The following ARHGEF33 variants were observed in gnomAD, a reference collection of about 807,000 sequenced individuals.
ARHGEF33 encodes the protein Rho guanine nucleotide exchange factor 33, also known as DH and coiled-coil domain-containing protein ENSP00000381780.
Under a neutral mutation model 101.9 loss-of-function variants are expected in ARHGEF33, and 72 were observed. That is an observed-to-expected ratio of 0.71 (90% confidence interval 0.58 to 0.86). ARHGEF33 has a LOEUF of 0.86. Among genes scored for constraint, ARHGEF33 ranks in the 40% least tolerant of loss-of-function variants. ARHGEF33 has a pLI of 0.00. For missense variants in ARHGEF33, 1,169 were observed against 1,111.3 expected (o/e 1.05, Z -0.74); for synonymous variants, 499 against 442.5 (o/e 1.13, Z -1.60).
In ARHGEF33 at chr2:38,913,649, G is replaced by A. The variant is rs563841893; in HGVS notation, c.-85-5714G>A. ...AAATTAGCTGGGCGTGGTGGCGCAC[G>A]CCTGTAATCCCAGCTATTCAGGAGG... On this transcript the variant is annotated intron_variant, in intron 2 of 17. Transcript: ENST00000409978. 4.6e-5 allele frequency among the ~76,000 whole-genome samples: 7 copies of A among 151,876 alleles called. No individual in the cohort carries two copies. In the East Asian group the frequency reaches 9.7e-4, roughly 21 times the overall value.
intron 1 of ARHGEF33, among the ~76,000 whole-genome samples, chr2:38,891,258 C>T (rs945387463): frequency 5.9e-5 from 9 of 151,946 alleles, no homozygotes; most frequent in African/African-American, 1.9e-4. Context: ...TTCTTAATTC[C>T]CTTTATTTAC....
rs138753209 is a variant in ARHGEF33, at chr2:38,959,019, T to G, written c.1535+821T>G. ...CTCGGCCTCCCGAAGTCTTTATGCA[T>G]TTTTGTGGTAGAATTAAAATATGAA... On this transcript the variant is annotated intron_variant, in intron 15 of 17. Transcript: ENST00000409978. Among the ~76,000 whole-genome samples, 10 of 152,360 alleles carry G rather than the reference T, an allele frequency of 6.6e-5. No homozygotes were observed. The East Asian group carries it at 1.9e-3, about 29-fold the overall frequency.
intron 10 of ARHGEF33, among the ~76,000 whole-genome samples, chr2:38,947,055 T>C (rs1667469465): frequency 6.6e-6 from 1 of 152,182 alleles, no homozygotes; most frequent in Non-Finnish European, 1.5e-5. Flanking sequence ...TCGGCATTTT[T>C]CTCCATGCAA....
intron 10 of ARHGEF33, among the ~76,000 whole-genome samples, chr2:38,944,607 G>A (rs1291771900): frequency 6.6e-6 from 1 of 152,128 alleles, no homozygotes; most frequent in African/African-American, 2.4e-5. Flanking sequence ...GTAAGAAAAT[G>A]AGTATAGTCT....
At chr2:38,955,663 C>CTTAT (rs1216650116) in intron 13 of ARHGEF33, among the ~76,000 whole-genome samples, 73 of 150,762 alleles carry the variant, frequency 4.8e-4, no homozygotes, top group African/African-American at 1.4e-3. Flanking sequence ...CCATGCCTGG[C>CTTAT]TTATTTATTT....
Position 38,937,088 on chromosome 2 carries a change from G to A in ARHGEF33, c.566-247G>A, listed in dbSNP as rs111347541. 4.6e-5 allele frequency: 14 copies of A among 303,278 alleles called. 1 individual carries two copies. Among genetic ancestry groups the A allele is most frequent in the African/African-American group, 2.8e-4 (12 of 43,114 alleles). The allele number at this position is 303,278 out of a possible 1,614,324, so 18.8% of individuals were successfully genotyped here. A position where few individuals can be genotyped will look rare whatever the true frequency, so the allele number is the denominator to read the frequency against. On this transcript the variant is annotated intron_variant, in intron 8 of 17. Transcript: ENST00000409978. ...CGGCTCACTGCAACCTCTGCCTCCT[G>A]GGTTCAAGCGATTCTCCTGCCTCAG...
At position 38,944,020 on chromosome 2, in the gene ARHGEF33, A is replaced by G; in HGVS notation, c.910A>G (p.Lys304Glu). The G allele has an allele frequency of 1.3e-6, 2 of 1,550,264 alleles. No homozygotes were observed. The highest frequency in any genetic ancestry group is 1.7e-6 in the Non-Finnish European group (2 of 1,146,382). ...GGGGTCAGATGGAAAGAGGAATTCC[A>G]AAGAGAGAAGGTATCCATGCACTCA... ...FQGSDGKRNS[K>E]ERSLFPGSLR... is the part of the protein sequence containing the mutation. The change falls in exon 10 of 18, where the codon AAA (lysine) becomes GAA (glutamate). Residue 304 changes from lysine (K) to glutamate (E), a missense_variant. Lys to Glu is a moderately conservative substitution (Grantham distance 56). Transcript: ENST00000409978.
intron 2 of ARHGEF33, among the ~76,000 whole-genome samples, chr2:38,918,128 G>A (rs962796010): frequency 6.6e-6 from 1 of 152,218 alleles, no homozygotes; most frequent in East Asian, 1.9e-4. Context: ...GGAGAATCGA[G>A]TTTGGGATTC....
chr2:38,912,101 A>G (rs77934249), intron 2 of ARHGEF33, among the ~76,000 whole-genome samples: 3,682 of 152,332 alleles, frequency 0.024, 157 homozygotes, highest in African/African-American at 0.083. Context: ...TATAGACACC[A>G]ACAGGCTCAC....
Position 38,960,169 on chromosome 2 carries a change from A to G in ARHGEF33, c.1864A>G (p.Ile622Val), listed in dbSNP as rs1572778272. The change falls in exon 16 of 18, where the codon ATC becomes GTC. Residue 622 changes from isoleucine (I) to valine (V), a missense_variant. By Grantham distance (29) the Ile-to-Val change is conservative. Transcript: ENST00000409978. ...AYEEFEYGGE[I>V]FALPAPYDEE... ...CGAAGAGTTCGAGTACGGCGGCGAG[A>G]TCTTCGCGCTGCCCGCGCCCTACGA... The G allele has an allele frequency of 1.3e-6, 2 of 1,542,610 alleles. No homozygotes were observed. The highest frequency in any genetic ancestry group is 1.7e-4 in the Middle Eastern group (1 of 5,972).
chr2:38,944,594 A>G (rs1334789346), intron 10 of ARHGEF33, among the ~76,000 whole-genome samples: 1 of 152,146 alleles, frequency 6.6e-6, no homozygotes, highest in East Asian at 1.9e-4. Context: ...GATTTTCATC[A>G]ATGTAAGAAA....
chr2:38,895,175 T>C (rs1666092879), intron 1 of ARHGEF33, among the ~76,000 whole-genome samples: 1 of 152,166 alleles, frequency 6.6e-6, no homozygotes, highest in African/African-American at 2.4e-5. Context: ...AAGCCAATCA[T>C]ACAGGTCAGG....
intron 4 of ARHGEF33, among the ~76,000 whole-genome samples, chr2:38,926,099 A>G (rs1666862922): frequency 6.6e-6 from 1 of 152,214 alleles, no homozygotes; most frequent in Non-Finnish European, 1.5e-5. Context: ...TTTGAGCCTA[A>G]GATGCCCTCT....
At position 38,960,235 on chromosome 2, in the gene ARHGEF33, T is replaced by A; in HGVS notation, c.1930T>A (p.Ser644Thr). The A allele has an allele frequency of 6.5e-7, 1 of 1,547,724 alleles. No individual in the cohort carries two copies. Residue 644 changes from serine to threonine, a missense_variant, in exon 16 of 18, where the codon TCG (serine) becomes ACG (threonine). Coordinates refer to ENST00000409978, the MANE Select transcript of ARHGEF33 (RefSeq NM_001145451.5). ...GGCTCCGGCCCTCTTCGAGAACTGC[T>A]CGCCTGCCTCCTCCGAGTCCAGCCT... ...FQAPALFENC[S>T]PASSESSLDI...
chr2:38,957,671 C>T (rs1667803155), intron 14 of ARHGEF33, among the ~76,000 whole-genome samples: 2 of 152,190 alleles, frequency 1.3e-5, no homozygotes, highest in African/African-American at 4.8e-5. Flanking sequence ...GCACAGCTTC[C>T]TAATGACCTG....
At chr2:38,914,332 C>T (rs1324644257) in intron 2 of ARHGEF33, among the ~76,000 whole-genome samples, 1 of 152,100 alleles carries the variant, frequency 6.6e-6, no homozygotes, top group African/African-American at 2.4e-5. Flanking sequence ...AAATGATTAA[C>T]ACAGTTCATT....
At chr2:38,966,293 G>A in intron 17 of ARHGEF33, 148 bp downstream of exon 17, 1 of 1,086,644 alleles carries the variant, frequency 9.2e-7, no homozygotes, top group Non-Finnish European at 1.3e-6. Context: ...AGTTCCGGCG[G>A]GGTGAAGATG....
At chr2:38,902,714 C>T (rs1193127557) in intron 2 of ARHGEF33, among the ~76,000 whole-genome samples, 1 of 152,112 alleles carries the variant, frequency 6.6e-6, no homozygotes, top group Non-Finnish European at 1.5e-5. Flanking sequence ...GTGCTGGACA[C>T]TGGTTTAGGT....
chr2:38,917,386 C>T (rs944996678), intron 2 of ARHGEF33, among the ~76,000 whole-genome samples: 2 of 152,056 alleles, frequency 1.3e-5, no homozygotes, highest in Middle Eastern at 3.2e-3. Flanking sequence ...GCCACCGCAT[C>T]GAGCCCATAA....
Sources: gnomAD v4.1 joint callset for allele counts (sites outside exome capture counted in the v4.1 genomes callset) on GRCh38, gnomAD v4.1.1 for gene constraint, MANE v1.5 for transcripts, NCBI Gene and HGNC (gene_info 2026-07-23, HGNC 2026-07-21) for gene names.